The following MAML3 variants were observed in gnomAD, a reference collection of about 807,000 sequenced individuals.
MAML3 encodes mastermind like transcriptional coactivator 3.
MAML3 carries 27 observed loss-of-function variants against 101.9 expected under a neutral mutation model. The ratio of observed to expected loss-of-function variants is 0.27; its 90% CI spans 0.20 to 0.37. The LOEUF (loss-of-function observed/expected upper bound fraction) is 0.37, where lower values mean the gene tolerates loss of function less well. Among genes scored for constraint, MAML3 ranks in the 10% least tolerant of loss-of-function variants. The probability of loss-of-function intolerance (pLI) is 1.00; values close to 1 mark genes in which losing one functional copy is unlikely to be tolerated. For synonymous variants in MAML3, 501 were observed against 555.9 expected (o/e 0.90, Z 1.39); for missense variants, 1,316 against 1,444.9 (o/e 0.91, Z 1.45).
At chr4:139,984,208 C>T (rs929541401) in intron 1 of MAML3, among the ~76,000 whole-genome samples, 26 of 151,702 alleles carry the variant, frequency 1.7e-4, no homozygotes, top group African/African-American at 5.6e-4. Context: ...AACAGTGTGG[C>T]GTTGAGAATA....
chr4:139,825,583 C>T (rs1255447764), intron 2 of MAML3, among the ~76,000 whole-genome samples: 1 of 152,168 alleles, frequency 6.6e-6, no homozygotes, highest in East Asian at 1.9e-4. Flanking sequence ...CGGCCGCAGG[C>T]AGCCATGAGC....
At chr4:139,838,515 A>C (rs1050415644) in intron 2 of MAML3, among the ~76,000 whole-genome samples, 2 of 152,068 alleles carry the variant, frequency 1.3e-5, no homozygotes, top group African/African-American at 2.4e-5. Context: ...AAAGCAAGCC[A>C]TTTTTTCTTA....
chr4:140,104,854 A>T (rs1728325468), intron 1 of MAML3, among the ~76,000 whole-genome samples: 1 of 151,764 alleles, frequency 6.6e-6, no homozygotes, highest in African/African-American at 2.4e-5. Flanking sequence ...TAAAACTTTA[A>T]TTTTTTTTAA....
At chr4:139,996,827 G>A (rs560481337) in intron 1 of MAML3, among the ~76,000 whole-genome samples, 5 of 151,978 alleles carry the variant, frequency 3.3e-5, no homozygotes, top group Non-Finnish European at 7.4e-5. Context: ...TTGGGAGGCC[G>A]AGGAGGGCGG....
chr4:139,957,227 T>C (rs1470193217), intron 1 of MAML3, among the ~76,000 whole-genome samples: 2 of 152,208 alleles, frequency 1.3e-5, no homozygotes, highest in Non-Finnish European at 2.9e-5. Flanking sequence ...ACATTAACTC[T>C]CTTAATCCTG....
intron 1 of MAML3, among the ~76,000 whole-genome samples, chr4:140,083,772 T>C (rs1357731565): frequency 5.3e-5 from 8 of 152,008 alleles, no homozygotes. Context: ...TTGTTTTAGA[T>C]CCACTTGCCA....
intron 1 of MAML3, among the ~76,000 whole-genome samples, chr4:140,004,096 G>A (rs1726396253): frequency 6.6e-6 from 1 of 152,226 alleles, no homozygotes; most frequent in Non-Finnish European, 1.5e-5. Flanking sequence ...GCACGAGACA[G>A]AATGTGGATT....
Position 139,719,716 on chromosome 4 carries a change from C to T in MAML3, c.3024G>A (p.Gln1008=), listed in dbSNP as rs1728152217. ...TKQHFPQGLS[Q]SVVDANTGTV... is the part of the protein sequence containing the mutation. Reference sequence around the variant, plus strand: ...TGCCCGTGTTAGCATCCACGACTGACTGGCTCAGTCCCTGTGGGAAGTGCT... The same window carrying T: ...TGCCCGTGTTAGCATCCACGACTGATTGGCTCAGTCCCTGTGGGAAGTGCT... Residue 1008 remains glutamine (Q), a synonymous_variant, in exon 5 of 5, where the codon CAG becomes CAA. Transcript: ENST00000509479. 6.2e-7 allele frequency: 1 copy of T among 1,613,578 alleles called. No homozygotes were observed. The highest frequency in any genetic ancestry group is 8.5e-7 in the Non-Finnish European group (1 of 1,179,828).
At chr4:140,122,334 C>T (rs1201094739) in intron 1 of MAML3, among the ~76,000 whole-genome samples, 1 of 150,984 alleles carries the variant, frequency 6.6e-6, no homozygotes, top group Non-Finnish European at 1.5e-5. Context: ...AATTCTCCTA[C>T]CTCAGCCTCC....
chr4:140,144,548 CAA>C (rs758787783), intron 1 of MAML3, among the ~76,000 whole-genome samples: 73 of 95,868 alleles, frequency 7.6e-4, no homozygotes, highest in Admixed American at 6.5e-4. Flanking sequence ...AAAGCAAAAC[CAA>C]AAAAAAAAAA....
At chr4:139,909,706 A>G (rs1023803629) in intron 1 of MAML3, among the ~76,000 whole-genome samples, 10 of 152,016 alleles carry the variant, frequency 6.6e-5, no homozygotes, top group African/African-American at 2.2e-4. Flanking sequence ...GCATGGTGGT[A>G]TGTGCCTATA....
intron 1 of MAML3, among the ~76,000 whole-genome samples, chr4:140,057,705 G>T (rs1223583182): frequency 2.0e-5 from 3 of 152,140 alleles, no homozygotes; most frequent in African/African-American, 7.2e-5. Flanking sequence ...GGTTGGGGAG[G>T]TATTAAACTC....
intron 1 of MAML3, among the ~76,000 whole-genome samples, chr4:139,934,616 G>A (rs1733470582): frequency 6.6e-6 from 1 of 152,082 alleles, no homozygotes; most frequent in East Asian, 1.9e-4. Context: ...CCCATCGAAA[G>A]GCAAATATGA....
chr4:139,729,488 C>A (rs1220833444), intron 3 of MAML3, among the ~76,000 whole-genome samples: 1 of 152,044 alleles, frequency 6.6e-6, no homozygotes, highest in African/African-American at 2.4e-5. Context: ...AAATTCTGAC[C>A]CTATCAGGAA....
intron 1 of MAML3, among the ~76,000 whole-genome samples, chr4:139,999,137 T>C (rs1462844372): frequency 6.7e-6 from 1 of 149,912 alleles, no homozygotes; most frequent in African/African-American, 2.5e-5. Context: ...CTTTGTTGTC[T>C]GCTGCATACG....
At chr4:139,773,232 A>G (rs1002784626) in intron 2 of MAML3, among the ~76,000 whole-genome samples, 1 of 152,088 alleles carries the variant, frequency 6.6e-6, no homozygotes, top group African/African-American at 2.4e-5. Context: ...AAACAGAAAA[A>G]AGGCAGAAGA....
chr4:139,901,192 G>C (rs1240043070), intron 1 of MAML3, among the ~76,000 whole-genome samples: 4 of 152,240 alleles, frequency 2.6e-5, no homozygotes, highest in African/African-American at 9.6e-5. Context: ...TACAAGGAAA[G>C]ATGTCACTCT....
At chr4:139,863,889 T>G (rs1364822907) in intron 2 of MAML3, among the ~76,000 whole-genome samples, 11 of 136,758 alleles carry the variant, frequency 8.0e-5, no homozygotes, top group Non-Finnish European at 1.4e-4. Context: ...GAGGGGAATA[T>G]ATCCAGAAAC....
chr4:139,737,629 A>C (rs1397464825), intron 2 of MAML3, among the ~76,000 whole-genome samples: 1 of 152,208 alleles, frequency 6.6e-6, no homozygotes, highest in African/African-American at 2.4e-5. Context: ...ATTTAAAGAA[A>C]GGGCATAAGA....
Sources: gnomAD v4.1 joint callset for allele counts (sites outside exome capture counted in the v4.1 genomes callset) on GRCh38, gnomAD v4.1.1 for gene constraint, MANE v1.5 for transcripts, NCBI Gene and HGNC (gene_info 2026-07-23, HGNC 2026-07-21) for gene names.